Variants in AGPAT4 observed in about 807,000 individuals in gnomAD.
AGPAT4 encodes the protein 1-acylglycerol-3-phosphate O-acyltransferase 4.
In AGPAT4, 15 loss-of-function variants were observed where a neutral mutation model predicts 48.0. The ratio of observed to expected loss-of-function variants is 0.31; its 90% confidence interval spans 0.21 to 0.48. The LOEUF (loss-of-function observed/expected upper bound fraction) is 0.48. AGPAT4 is among the 20% of genes least tolerant of loss of function. AGPAT4 has a pLI of 0.99. For missense variants in AGPAT4, 314 were observed against 482.5 expected, an observed-to-expected ratio of 0.65 and a Z score of 3.27; for synonymous variants, 178 against 198.7, an observed-to-expected ratio of 0.90 and a Z score of 0.88.
intron 2 of AGPAT4, among the ~76,000 whole-genome samples, chr6:161,173,314 T>C (rs2114986091): frequency 6.6e-6 from 1 of 152,360 alleles, no homozygotes; most frequent in African/African-American, 2.4e-5. Flanking sequence ...TGTTGTTTCC[T>C]GGCTTTTTAA....
In AGPAT4 at chr6:161,136,094, A is replaced by AT. The variant is rs958650685; in HGVS notation, c.*445dup. On this transcript the variant is annotated 3_prime_UTR_variant, in exon 9 of 9. Coordinates refer to ENST00000320285, the MANE Select transcript of AGPAT4 (RefSeq NM_020133.3). The stretch of plus-strand genomic sequence containing the variant: ...ACAGATGACCCAGAAAAGCACTTTA[A>AT]TTTTTTTTTCTTGGAGGCATAATTT... 44 of 169,536 alleles carry AT rather than the reference A, an allele frequency of 2.6e-4. No homozygotes were observed. The highest frequency in any genetic ancestry group is 1.1e-3 in the South Asian group (7 of 6,636). 10.5% of individuals were successfully genotyped at this position (169,536 alleles called of 1,614,324 possible). A position where few individuals can be genotyped will look rare whatever the true frequency, so the allele number is the denominator to read the frequency against.
chr6:161,220,738 G>T lies in AGPAT4; in HGVS notation c.178+11298C>A, dbSNP rs1047912036. On this transcript the variant is annotated intron_variant, in intron 2 of 8. Transcript: ENST00000320285. The surrounding 1 kb of genome is among the most constrained non-coding windows in gnomAD (Gnocchi z 6.0). ...TCTTTCCTACGCAGACTGCCCCATT[G>T]GTTGTGCAAAGCCATTCTGAAGACT... is the stretch of plus-strand genomic sequence containing the variant. 6.6e-6 allele frequency among the ~76,000 whole-genome samples: 1 copy of T among 150,868 alleles called. No individual in the cohort carries two copies. The highest frequency in any genetic ancestry group is 1.5e-5 in the Non-Finnish European group (1 of 67,174).
In AGPAT4 at chr6:161,262,412, G is replaced by A. The variant is rs1783129282; in HGVS notation, c.-90+11526C>T. Among the ~76,000 whole-genome samples, 1 of 152,168 alleles carries A rather than the reference G, an allele frequency of 6.6e-6. No homozygotes were observed. The highest frequency in any genetic ancestry group is 1.5e-5 in the Non-Finnish European group (1 of 68,028). ...TGCCACACAGGGGCTACTTCCCACT[G>A]CTGTGTGTGAGCTCCCCAAACCCCA... On this transcript the variant is annotated intron_variant, in intron 1 of 8. Coordinates refer to ENST00000320285, the MANE Select transcript of AGPAT4 (RefSeq NM_020133.3). The surrounding 1 kb of genome is among the most constrained non-coding windows in gnomAD (Gnocchi z 4.9).
Position 161,202,816 on chromosome 6 carries a change from G to C in AGPAT4, c.178+29220C>G, listed in dbSNP as rs183141506. ...CCCGTGAATGGGGACACTGACTTTT[G>C]GAGCCCTAAACTACCAGCTAAGAAA... On this transcript the variant is annotated intron_variant, in intron 2 of 8. Coordinates refer to ENST00000320285, the MANE Select transcript of AGPAT4 (RefSeq NM_020133.3). This position sits in a 1 kb window ranked among gnomAD's most constrained non-coding sequence, Gnocchi z 5.4. Among the ~76,000 whole-genome samples the C allele has an allele frequency of 1.3e-5, 2 of 152,290 alleles. No individual in the cohort carries two copies. Among genetic ancestry groups the C allele is most frequent in the African/African-American group, 4.8e-5 (2 of 41,554 alleles).
chr6:161,192,138 T>C (rs1479310558), intron 2 of AGPAT4, among the ~76,000 whole-genome samples: 1 of 142,774 alleles, frequency 7.0e-6, no homozygotes, highest in Admixed American at 7.4e-5. Flanking sequence ...GTTTAGAAGT[T>C]ATACTTTTTT....
In AGPAT4 at chr6:161,243,151, C is replaced by A. The variant is rs1782542964; in HGVS notation, c.-89-10849G>T. Reference sequence around the variant, plus strand: ...TGCATGTTGAAATTGTCGATTTCATCATCGTCATTGCTGCTACGTGGCTGT... The same window carrying A: ...TGCATGTTGAAATTGTCGATTTCATAATCGTCATTGCTGCTACGTGGCTGT... On this transcript the variant is annotated intron_variant, in intron 1 of 8. Coordinates refer to ENST00000320285, the MANE Select transcript of AGPAT4 (RefSeq NM_020133.3). The surrounding 1 kb of genome is among the most constrained non-coding windows in gnomAD (Gnocchi z 4.8). Among the ~76,000 whole-genome samples, 1 of 152,088 alleles carries A rather than the reference C, an allele frequency of 6.6e-6. No individual in the cohort carries two copies. Among genetic ancestry groups the A allele is most frequent in the Non-Finnish European group, 1.5e-5 (1 of 68,004 alleles).
rs1379254915 is a variant in AGPAT4, at chr6:161,227,014, T to G, written c.178+5022A>C. Among the ~76,000 whole-genome samples, 24 of 152,210 alleles carry G rather than the reference T, an allele frequency of 1.6e-4. 1 individual carries two copies. The highest frequency in any genetic ancestry group is 1.6e-3 in the Admixed American group (24 of 15,282). ...TGAAAATACAATGTGCAAAAAGTAC[T>G]TTATGCATAAGGAGGGGGAAATTCA... On this transcript the variant is annotated intron_variant, in intron 2 of 8. Transcript: ENST00000320285.
At chr6:161,271,297 T>C (rs1783416308) in intron 1 of AGPAT4, among the ~76,000 whole-genome samples, 1 of 152,216 alleles carries the variant, frequency 6.6e-6, no homozygotes, top group African/African-American at 2.4e-5. Flanking sequence ...CCTCCTCTCC[T>C]ATAAAGCTTC....
Position 161,149,338 on chromosome 6 carries a change from A to T in AGPAT4, c.665-49T>A. On this transcript the variant is annotated intron_variant, in intron 5 of 8. Coordinates refer to ENST00000320285, the MANE Select transcript of AGPAT4 (RefSeq NM_020133.3). The surrounding 1 kb of genome is among the most constrained non-coding windows in gnomAD (Gnocchi z 6.5). The stretch of plus-strand genomic sequence containing the variant: ...AAGCAGTATATAGCGTGTGAACCCA[A>T]TTTTGTTCTGTAGATACACACATTG... 8 of 1,534,082 alleles carry T rather than the reference A, an allele frequency of 5.2e-6. No individual in the cohort carries two copies. The highest frequency in any genetic ancestry group is 7.0e-6 in the Non-Finnish European group (8 of 1,143,132).
intron 2 of AGPAT4, among the ~76,000 whole-genome samples, chr6:161,199,555 T>C (rs1467993658): frequency 2.6e-5 from 4 of 152,116 alleles, no homozygotes; most frequent in Non-Finnish European, 4.4e-5. Context: ...GCCCTGGGCA[T>C]GTGATACGGT....
intron 2 of AGPAT4, among the ~76,000 whole-genome samples, chr6:161,230,148 A>T (rs765090642): frequency 6.6e-6 from 1 of 152,236 alleles, no homozygotes; most frequent in African/African-American, 2.4e-5. Flanking sequence ...TGAGAAAAAT[A>T]TCTCCACAAT....
At position 161,223,858 on chromosome 6, in the gene AGPAT4, CACTTAA is replaced by C. The variant is rs1199175520; in HGVS notation, c.178+8172_178+8177del. Among the ~76,000 whole-genome samples the C allele has an allele frequency of 3.9e-5, 6 of 152,160 alleles. No homozygotes were observed. Among genetic ancestry groups the C allele is most frequent in the Admixed American group, 6.5e-5 (1 of 15,282 alleles). On this transcript the variant is annotated intron_variant, in intron 2 of 8. Transcript: ENST00000320285. The surrounding 1 kb of genome is among the most constrained non-coding windows in gnomAD (Gnocchi z 6.3). ...ACTTCCTGTGTGACCCTGGGCAAGT[CACTTAA>C]ACTCTCTGTGCCTAACTACTCAAAA...
chr6:161,250,814 A>T (rs1782785707), intron 1 of AGPAT4, among the ~76,000 whole-genome samples: 1 of 152,220 alleles, frequency 6.6e-6, no homozygotes, highest in South Asian at 2.1e-4. Flanking sequence ...AACAATGAAA[A>T]GCAAAATTAA....
rs1245530466 is a variant in AGPAT4 at position 161,139,665 on chromosome 6, G to A, written c.844-45C>T. On this transcript the variant is annotated intron_variant, in intron 7 of 8. Coordinates refer to ENST00000320285, the MANE Select transcript of AGPAT4 (RefSeq NM_020133.3). The surrounding 1 kb of genome is among the most constrained non-coding windows in gnomAD (Gnocchi z 9.1). ...ACCCTCAGACGCCACACGGGGCTCG[G>A]TGGCAGGTCCCTCCCGAGGCCCTGC... is the stretch of plus-strand genomic sequence containing the variant. The A allele has an allele frequency of 2.6e-6, 4 of 1,523,142 alleles. No homozygotes were observed. Among genetic ancestry groups the A allele is most frequent in the Non-Finnish European group, 3.6e-6 (4 of 1,123,684 alleles). 94.4% of individuals were successfully genotyped at this position (1,523,142 alleles called of 1,614,324 possible).
rs762630531 is a variant in AGPAT4 at position 161,267,563 on chromosome 6, C to T, written c.-90+6375G>A. 4.0e-5 allele frequency among the ~76,000 whole-genome samples: 6 copies of T among 151,848 alleles called. No individual in the cohort carries two copies. The highest frequency in any genetic ancestry group is 1.9e-4 in the East Asian group (1 of 5,138). On this transcript the variant is annotated intron_variant, in intron 1 of 8. Coordinates refer to ENST00000320285, the MANE Select transcript of AGPAT4 (RefSeq NM_020133.3). The surrounding 1 kb of genome is among the most constrained non-coding windows in gnomAD (Gnocchi z 5.2). ...ACCCTGTCTCTACTAAAAATACACA[C>T]GCAAAAAAATTAGCCAGGTGTGGTG...
intron 2 of AGPAT4, among the ~76,000 whole-genome samples, chr6:161,194,710 T>C (rs946776476): frequency 4.6e-5 from 7 of 152,136 alleles, no homozygotes; most frequent in African/African-American, 1.4e-4. Flanking sequence ...TGTGTGCGTA[T>C]GTATGTGTAT....
At position 161,178,533 on chromosome 6, in the gene AGPAT4, C is replaced by T. The variant is rs767636565; in HGVS notation, c.179-12116G>A. On this transcript the variant is annotated intron_variant, in intron 2 of 8. Coordinates refer to ENST00000320285, the MANE Select transcript of AGPAT4 (RefSeq NM_020133.3). This position sits in a 1 kb window ranked among gnomAD's most constrained non-coding sequence, Gnocchi z 5.1. ...CAATTTTCCAGGTGCCGTCTGTCAC[C>T]GCTTCCCTTGGCTAGGAAAGGGAAT... 8.6e-4 allele frequency among the ~76,000 whole-genome samples: 131 copies of T among 152,186 alleles called. No individual in the cohort carries two copies. Among genetic ancestry groups the T allele is most frequent in the Non-Finnish European group, 1.4e-3 (98 of 68,044 alleles).
Position 161,212,073 on chromosome 6 carries a change from C to T in AGPAT4, c.178+19963G>A, listed in dbSNP as rs770777753. 1.3e-5 allele frequency among the ~76,000 whole-genome samples: 2 copies of T among 152,104 alleles called. No homozygotes were observed. Among genetic ancestry groups the T allele is most frequent in the South Asian group, 2.1e-4 (1 of 4,816 alleles). ...CACTGATGCAAGACTAGCATATGGGCCCCTGTGTCAAATTAACAAAGTTTT... is the reference window on the plus strand; with the variant it reads ...CACTGATGCAAGACTAGCATATGGGTCCCTGTGTCAAATTAACAAAGTTTT... On this transcript the variant is annotated intron_variant, in intron 2 of 8. Coordinates refer to ENST00000320285, the MANE Select transcript of AGPAT4 (RefSeq NM_020133.3). This position sits in a 1 kb window ranked among gnomAD's most constrained non-coding sequence, Gnocchi z 6.1.
In AGPAT4 at chr6:161,261,938, G is replaced by A. The variant is rs368672058; in HGVS notation, c.-90+12000C>T. On this transcript the variant is annotated intron_variant, in intron 1 of 8. Transcript: ENST00000320285. The surrounding 1 kb of genome is among the most constrained non-coding windows in gnomAD (Gnocchi z 5.3). ...GCCTGTATGAGCTGTGCAGCCCTGG[G>A]AAGACTGCTGACCCCCAGGCTCCCC... is the stretch of plus-strand genomic sequence containing the variant. Among the ~76,000 whole-genome samples the A allele has an allele frequency of 3.9e-5, 6 of 152,164 alleles. No individual in the cohort carries two copies. Among genetic ancestry groups the A allele is most frequent in the Admixed American group, 2.6e-4 (4 of 15,286 alleles).
Sources: allele counts gnomAD v4.1 joint callset (sites outside exome capture counted in the v4.1 genomes callset), GRCh38; gene constraint gnomAD v4.1.1; non-coding constraint Gnocchi (gnomAD v3.1); transcripts MANE v1.5; gene names NCBI Gene and HGNC (gene_info 2026-07-23, HGNC 2026-07-21).